FLRT1: variants seen among roughly 807,000 people sequenced by gnomAD.
FLRT1 encodes the protein leucine-rich repeat transmembrane protein FLRT1.
A neutral mutation model predicts 30.9 loss-of-function variants in FLRT1; 14 were observed. The ratio of observed to expected loss-of-function variants is 0.45; its 90% confidence interval spans 0.30 to 0.71. The LOEUF (loss-of-function observed/expected upper bound fraction) is 0.71, where lower values mean the gene tolerates loss of function less well. Ranked by LOEUF, FLRT1 falls within the 30% of genes least tolerant of loss-of-function variation. FLRT1 has a pLI of 0.08. For missense variants in FLRT1, 737 were observed against 949.2 expected, an observed-to-expected ratio of 0.78 and a Z score of 2.94; for synonymous variants, 368 against 430.4, an observed-to-expected ratio of 0.85 and a Z score of 1.80.
chr11:64,046,519 C>T (rs559939771), intron 1 of FLRT1, among the ~76,000 whole-genome samples: 1 of 152,314 alleles, frequency 6.6e-6, no homozygotes, highest in South Asian at 2.1e-4. Flanking sequence ...TGCTCCAGCC[C>T]AGGTCAGCTT....
At chr11:64,076,744 G>A (rs905797752) in intron 1 of FLRT1, among the ~76,000 whole-genome samples, 2 of 152,176 alleles carry the variant, frequency 1.3e-5, no homozygotes, top group African/African-American at 2.4e-5. Flanking sequence ...ACAACACTGC[G>A]ATGAGCATGT....
intron 1 of FLRT1, among the ~76,000 whole-genome samples, chr11:64,056,647 C>T (rs918030398): frequency 2.0e-5 from 3 of 152,146 alleles, no homozygotes; most frequent in African/African-American, 4.8e-5. Context: ...GAAACATGGC[C>T]GACAGGTCAC....
chr11:64,087,836 C>A (rs1275182548), intron 1 of FLRT1, among the ~76,000 whole-genome samples: 1 of 152,246 alleles, frequency 6.6e-6, no homozygotes, highest in African/African-American at 2.4e-5. Context: ...CCACAGACCA[C>A]TCTCCTGGGG....
chr11:64,109,728 C>T (rs1341914304), intron 2 of FLRT1, among the ~76,000 whole-genome samples: 1 of 152,146 alleles, frequency 6.6e-6, no homozygotes, highest in Non-Finnish European at 1.5e-5. Context: ...GCCCCATCCA[C>T]CAGCTCTGTG....
At chr11:64,098,173 C>T (rs913736558) in intron 1 of FLRT1, among the ~76,000 whole-genome samples, 5 of 152,202 alleles carry the variant, frequency 3.3e-5, no homozygotes, top group South Asian at 2.1e-4. Flanking sequence ...AGTCTGGTCA[C>T]GCTCCTCCAT....
intron 1 of FLRT1, among the ~76,000 whole-genome samples, chr11:64,050,092 T>A (rs1324417622): frequency 6.6e-6 from 1 of 152,162 alleles, no homozygotes; most frequent in Non-Finnish European, 1.5e-5. Flanking sequence ...CTCCGGAGGC[T>A]GGGAAACCAG....
intron 1 of FLRT1, among the ~76,000 whole-genome samples, chr11:64,050,166 C>T (rs901633237): frequency 6.6e-6 from 1 of 152,130 alleles, no homozygotes; most frequent in Non-Finnish European, 1.5e-5. Context: ...CTGCCACTCC[C>T]ACCTCTCCCT....
At chr11:64,062,116 C>A (rs1029984507) in intron 1 of FLRT1, among the ~76,000 whole-genome samples, 3 of 151,964 alleles carry the variant, frequency 2.0e-5, no homozygotes, top group African/African-American at 7.3e-5. Flanking sequence ...TGCTGAAATG[C>A]CCCTCTCCTC....
At chr11:64,048,878 C>T (rs924705866) in intron 1 of FLRT1, among the ~76,000 whole-genome samples, 1 of 152,216 alleles carries the variant, frequency 6.6e-6, no homozygotes, top group East Asian at 1.9e-4. Flanking sequence ...AAACCCAAAG[C>T]CGCCCTTGCC....
intron 2 of FLRT1, among the ~76,000 whole-genome samples, chr11:64,109,425 C>A (rs1164009039): frequency 6.6e-6 from 1 of 152,144 alleles, no homozygotes; most frequent in African/African-American, 2.4e-5. Flanking sequence ...GGCCTCTCCC[C>A]ACTCGTGACA....
At chr11:64,093,022 T>C (rs1009371929) in intron 1 of FLRT1, among the ~76,000 whole-genome samples, 6 of 151,732 alleles carry the variant, frequency 4.0e-5, no homozygotes, top group Non-Finnish European at 7.4e-5. Flanking sequence ...GAGTGGCTGG[T>C]GTGGCCTTGA....
At chr11:64,049,605 C>T (rs571781672) in intron 1 of FLRT1, among the ~76,000 whole-genome samples, 2 of 152,348 alleles carry the variant, frequency 1.3e-5, no homozygotes, top group African/African-American at 4.8e-5. Flanking sequence ...TGCTGACTCC[C>T]GCACAGACAT....
At chr11:64,054,299 G>A (rs1347914375) in intron 1 of FLRT1, among the ~76,000 whole-genome samples, 1 of 152,202 alleles carries the variant, frequency 6.6e-6, no homozygotes, top group Non-Finnish European at 1.5e-5. Context: ...TTAGACAGAG[G>A]AAGAACTGCC....
intron 2 of FLRT1, among the ~76,000 whole-genome samples, chr11:64,110,236 G>T (rs1565236964): frequency 6.6e-6 from 1 of 152,078 alleles, no homozygotes; most frequent in Non-Finnish European, 1.5e-5. Flanking sequence ...GATTGCTTGA[G>T]CCTAGGAGTT....
At chr11:64,111,105 G>A (rs1456498738) in intron 2 of FLRT1, among the ~76,000 whole-genome samples, 1 of 152,250 alleles carries the variant, frequency 6.6e-6, no homozygotes, top group Non-Finnish European at 1.5e-5. Flanking sequence ...TTATGATGCT[G>A]AGGCCTCTGA....
intron 1 of FLRT1, among the ~76,000 whole-genome samples, chr11:64,080,825 C>G (rs928151964): frequency 6.6e-6 from 1 of 152,216 alleles, no homozygotes; most frequent in African/African-American, 2.4e-5. Flanking sequence ...TGGGAGAACT[C>G]TTGGGGTGAT....
rs688241 is a variant in FLRT1 at position 64,118,297 on chromosome 11, C to T, written c.*5C>T. On this transcript the variant is annotated 3_prime_UTR_variant, in exon 3 of 3. Coordinates refer to ENST00000682287, the MANE Select transcript of FLRT1 (RefSeq NM_013280.5). The stretch of plus-strand genomic sequence containing the variant: ...ATAGACTACTCCTACACATGATGCC[C>T]GCCCACCCGGGCTGCCCCGCCTCAG... 0.068 allele frequency: 105,749 copies of T among 1,545,926 alleles called. 4,238 individuals carry two copies. The highest frequency in any genetic ancestry group is 0.14 in the Admixed American group (7,779 of 54,318).
chr11:64,111,333 G>GC (rs1944858747), intron 2 of FLRT1, among the ~76,000 whole-genome samples: 1 of 152,338 alleles, frequency 6.6e-6, no homozygotes, highest in East Asian at 1.9e-4. Context: ...GACGCTGGGG[G>GC]CCCCCTGGCA....
chr11:64,040,903 C>T (rs985030120), intron 1 of FLRT1, among the ~76,000 whole-genome samples: 4 of 152,074 alleles, frequency 2.6e-5, no homozygotes, highest in Non-Finnish European at 5.9e-5. Flanking sequence ...AGGCATCCGA[C>T]GTCCGGCCAG....
Sources: gnomAD v4.1 joint callset for allele counts (sites outside exome capture counted in the v4.1 genomes callset) on GRCh38, gnomAD v4.1.1 for gene constraint, MANE v1.5 for transcripts, NCBI Gene and HGNC (gene_info 2026-07-23, HGNC 2026-07-21) for gene names.